TNS1: variants seen among roughly 807,000 people sequenced by gnomAD.
The protein encoded by TNS1 is tensin 1, also known as tensin-1.
Under a neutral mutation model 168.6 loss-of-function variants are expected in TNS1, and 62 were observed. That is an observed-to-expected ratio of 0.37 (90% CI 0.30 to 0.45). TNS1 has a LOEUF of 0.45. TNS1 is among the 20% of genes least tolerant of loss of function. The pLI, the probability that TNS1 is intolerant of heterozygous loss-of-function variation, is 1.00. For synonymous variants in TNS1, 934 were observed against 933.2 expected (o/e 1.00, Z -0.02); for missense variants, 2,240 against 2,339.4 (o/e 0.96, Z 0.88).
At chr2:217,869,258 T>C (rs547862068) in intron 18 of TNS1, among the ~76,000 whole-genome samples, 35 of 152,232 alleles carry the variant, frequency 2.3e-4, no homozygotes, top group East Asian at 3.9e-4. Context: ...ATGCCGCCTC[T>C]CCGAGGCTGA....
At chr2:218,005,614 C>T (rs1958650481), upstream of TNS1, among the ~76,000 whole-genome samples, 1 of 152,228 alleles carries the variant, frequency 6.6e-6, no homozygotes, top group African/African-American at 2.4e-5. Flanking sequence ...CCTGGTGTCT[C>T]CACCCCAACC....
intron 1 of TNS1, among the ~76,000 whole-genome samples, chr2:218,021,040 C>T (rs1958802550): frequency 6.6e-6 from 1 of 152,216 alleles, no homozygotes. Flanking sequence ...ACAAAAAAGG[C>T]CTTGGAACTG....
At chr2:217,950,417 G>T (rs1575131292) in intron 3 of TNS1, among the ~76,000 whole-genome samples, 2 of 152,206 alleles carry the variant, frequency 1.3e-5, no homozygotes, top group East Asian at 3.9e-4. Flanking sequence ...GCTAGGAACA[G>T]GATAACATCC....
intron 1 of TNS1, among the ~76,000 whole-genome samples, chr2:218,015,723 A>C: frequency 6.6e-6 from 1 of 151,338 alleles, no homozygotes; most frequent in Non-Finnish European, 1.5e-5. Context: ...ATCACCACCC[A>C]GCAGCTGACA....
chr2:217,998,221 G>GTCTCTCTCTCTCTCTCTC (rs60663810), intron 1 of TNS1, among the ~76,000 whole-genome samples: 56 of 149,560 alleles, frequency 3.7e-4, no homozygotes, highest in African/African-American at 1.4e-3. Flanking sequence ...CTCCATCAGT[G>GTCTCTCTCTCTCTCTCTC]TCTCTCTCTC....
At chr2:217,956,954 T>G (rs1308555982) in intron 3 of TNS1, among the ~76,000 whole-genome samples, 1 of 152,150 alleles carries the variant, frequency 6.6e-6, no homozygotes, top group African/African-American at 2.4e-5. Flanking sequence ...GACGTGACTT[T>G]CCCAGCCCTA....
chr2:217,966,575 G>C (rs1240662165), intron 3 of TNS1, among the ~76,000 whole-genome samples: 1 of 152,072 alleles, frequency 6.6e-6, no homozygotes, highest in Non-Finnish European at 1.5e-5. Context: ...CGCTGCCAGG[G>C]ACCCAGCATC....
At chr2:217,877,936 A>C (rs1950333333) in intron 18 of TNS1, among the ~76,000 whole-genome samples, 2 of 152,138 alleles carry the variant, frequency 1.3e-5, no homozygotes, top group South Asian at 4.1e-4. Flanking sequence ...TCCAGAGGGA[A>C]TGGTCTGGCC....
Position 217,817,827 on chromosome 2 carries a change from G to A in TNS1, c.4505C>T (p.Ala1502Val). ...GGTGGCATAGTTGGGGAGGCTGCCT[G>A]CCCGGTCTCCCACTGACATCCTTCG... The part of the protein sequence containing the change: ...EKRRMSVGDR[A>V]GSLPNYATIN... The change falls in exon 24 of 33, where the codon GCA (alanine) becomes GTA (valine). Residue 1502 changes from alanine to valine, a missense_variant. Ala to Val is a moderately conservative substitution (Grantham distance 64). Transcript: ENST00000682258. The A allele has an allele frequency of 6.2e-7, 1 of 1,614,246 alleles. No individual in the cohort carries two copies. The highest frequency in any genetic ancestry group is 8.5e-7 in the Non-Finnish European group (1 of 1,180,036).
chr2:218,022,472 G>A (rs576450790), intron 1 of TNS1, among the ~76,000 whole-genome samples: 12 of 152,238 alleles, frequency 7.9e-5, no homozygotes, highest in African/African-American at 2.4e-4. Context: ...AAGCTGGGAC[G>A]TGGACACGCA....
At chr2:217,807,505 C>G (rs1574536899) in intron 32 of TNS1, among the ~76,000 whole-genome samples, 1 of 152,184 alleles carries the variant, frequency 6.6e-6, no homozygotes, top group African/African-American at 2.4e-5. Flanking sequence ...TCTGTCTTAT[C>G]TGCTGTGCCA....
chr2:217,808,052 CA>C (rs1406946610), intron 32 of TNS1, 22 bp downstream of exon 32: 1 of 1,612,946 alleles, frequency 6.2e-7, no homozygotes, highest in Non-Finnish European at 8.5e-7. Flanking sequence ...GCCTGCTGGG[CA>C]GGGGTAAGAA....
intron 4 of TNS1, among the ~76,000 whole-genome samples, chr2:217,914,098 G>C (rs889344984): frequency 6.6e-6 from 1 of 151,924 alleles, no homozygotes; most frequent in African/African-American, 2.4e-5. Flanking sequence ...TCTTCTATTT[G>C]TTCCAGACTT....
intron 3 of TNS1, among the ~76,000 whole-genome samples, chr2:217,949,682 C>T (rs1295128538): frequency 2.6e-5 from 4 of 151,896 alleles, no homozygotes; most frequent in Admixed American, 6.6e-5. Flanking sequence ...GTTCAACATA[C>T]TTATCAGTAA....
chr2:217,875,010 C>A (rs941902892), intron 18 of TNS1, among the ~76,000 whole-genome samples: 4 of 152,190 alleles, frequency 2.6e-5, no homozygotes, highest in Admixed American at 6.5e-5. Context: ...TCCTTGCCCC[C>A]TTTGAAGCTA....
intron 1 of TNS1, among the ~76,000 whole-genome samples, chr2:218,009,459 C>G (rs577926636): frequency 6.6e-6 from 1 of 152,088 alleles, no homozygotes; most frequent in Non-Finnish European, 1.5e-5. Flanking sequence ...GAGACCGATG[C>G]TCAACCAGGA....
chr2:217,980,535 A>AGAGAGAGAGAGAGG (rs1559398475), intron 2 of TNS1, among the ~76,000 whole-genome samples: 36 of 149,134 alleles, frequency 2.4e-4, no homozygotes, highest in Admixed American at 6.6e-4. Flanking sequence ...AGAGAGAGAG[A>AGAGAGAGAGAGAGG]GAGAGAGAGA....
At chr2:217,975,352 T>C (rs76587571) in intron 3 of TNS1, among the ~76,000 whole-genome samples, 2,491 of 152,104 alleles carry the variant, frequency 0.016, 58 homozygotes, top group African/African-American at 0.056. Flanking sequence ...TATGAGATAA[T>C]AAGTGTTTGA....
At chr2:217,976,173 A>G (rs566711098) in intron 3 of TNS1, among the ~76,000 whole-genome samples, 31 of 152,232 alleles carry the variant, frequency 2.0e-4, no homozygotes, top group South Asian at 6.2e-4. Flanking sequence ...TTGTTTGCCT[A>G]TTTAGTGCCT....
Sources: allele counts gnomAD v4.1 joint callset (sites outside exome capture counted in the v4.1 genomes callset), GRCh38; gene constraint gnomAD v4.1.1; transcripts MANE v1.5; gene names NCBI Gene and HGNC (gene_info 2026-07-23, HGNC 2026-07-21).